Variants in CSGALNACT1 observed in about 807,000 individuals in gnomAD.
CSGALNACT1 encodes beta4GalNAcT-1.
In CSGALNACT1, 52 loss-of-function variants were observed where a neutral mutation model predicts 51.0. That is an observed-to-expected ratio of 1.02 (90% CI 0.82 to 1.29). The LOEUF (loss-of-function observed/expected upper bound fraction) is 1.29. CSGALNACT1 is among the 50% of genes most tolerant of loss of function. The probability of loss-of-function intolerance (pLI) is 0.00; values close to 1 mark genes in which losing one functional copy is unlikely to be tolerated. For missense variants in CSGALNACT1, 935 were observed against 679.2 expected (o/e 1.38, Z -4.19); for synonymous variants, 341 against 254.4 (o/e 1.34, Z -3.24).
At position 19,495,935 on chromosome 8, in the gene CSGALNACT1, C is replaced by T. The variant is rs377495410; in HGVS notation, c.634+9266G>A. 5.3e-5 allele frequency among the ~76,000 whole-genome samples: 8 copies of T among 152,278 alleles called. No individual in the cohort carries two copies. The South Asian group carries it at 1.7e-3, about 32-fold the overall frequency. On this transcript the variant is annotated intron_variant, in intron 4 of 9. Transcript: ENST00000454498. ...AACCAATACCCATTTTAACTCCCTT[C>T]CTCCAGCTAACATAGGACTTGTGTC...
At chr8:19,747,026 G>A (rs2064714893) in intron 1 of CSGALNACT1, among the ~76,000 whole-genome samples, 1 of 152,164 alleles carries the variant, frequency 6.6e-6, no homozygotes, top group African/African-American at 2.4e-5. Flanking sequence ...AGCTCCACAA[G>A]CCAAAGAAGC....
At chr8:19,468,027 T>C (rs2067122997) in intron 4 of CSGALNACT1, among the ~76,000 whole-genome samples, 2 of 152,188 alleles carry the variant, frequency 1.3e-5, no homozygotes, top group Non-Finnish European at 2.9e-5. Flanking sequence ...AAAATCACTG[T>C]GCTTTCAGGA....
chr8:19,741,218 T>C (rs2064292691), intron 1 of CSGALNACT1, among the ~76,000 whole-genome samples: 1 of 152,190 alleles, frequency 6.6e-6, no homozygotes. Context: ...AGTTGGTCAC[T>C]GGTACTCCAG....
At chr8:19,688,283 T>C (rs2061090287) in intron 1 of CSGALNACT1, among the ~76,000 whole-genome samples, 1 of 152,136 alleles carries the variant, frequency 6.6e-6, no homozygotes, top group Non-Finnish European at 1.5e-5. Context: ...AGGAGAACAA[T>C]TCATACCTAT....
At chr8:19,406,350 G>T (rs2054173664) in intron 9 of CSGALNACT1, among the ~76,000 whole-genome samples, 1 of 151,742 alleles carries the variant, frequency 6.6e-6, no homozygotes, top group African/African-American at 2.4e-5. Flanking sequence ...CAATGCTAAT[G>T]AACAGCCCCA....
chr8:19,503,051 C>T (rs2076682891), intron 4 of CSGALNACT1, among the ~76,000 whole-genome samples: 1 of 152,218 alleles, frequency 6.6e-6, no homozygotes, highest in Non-Finnish European at 1.5e-5. Context: ...AGAATCTTTC[C>T]TAAGGCTCTG....
chr8:19,602,686 C>G (rs1445843067), upstream of CSGALNACT1: 1 of 152,224 alleles, frequency 6.6e-6, no homozygotes, highest in African/African-American at 2.4e-5. Flanking sequence ...GGAGTGACAA[C>G]GGGCCCCAGC....
At chr8:19,552,782 A>C (rs2088520634) in intron 3 of CSGALNACT1, among the ~76,000 whole-genome samples, 1 of 152,216 alleles carries the variant, frequency 6.6e-6, no homozygotes, top group Non-Finnish European at 1.5e-5. Context: ...AGAAAGTCTA[A>C]CTGTAGCTAA....
chr8:19,406,400 C>A (rs368355214), intron 9 of CSGALNACT1, among the ~76,000 whole-genome samples: 1 of 151,310 alleles, frequency 6.6e-6, no homozygotes, highest in Non-Finnish European at 1.5e-5. Context: ...ATCTAGTATT[C>A]GGTAGCATTA....
chr8:19,593,417 G>T lies in CSGALNACT1; in HGVS notation c.-415-2139C>A, dbSNP rs186664654. Among the ~76,000 whole-genome samples, 369 of 152,334 alleles carry T rather than the reference G, an allele frequency of 2.4e-3. 2 individuals carry two copies. Among genetic ancestry groups the T allele is most frequent in the Admixed American group, 3.5e-3 (54 of 15,302 alleles). On this transcript the variant is annotated intron_variant, in intron 2 of 9. Coordinates refer to ENST00000454498, the Ensembl canonical transcript of CSGALNACT1. ...GTGGTCCTCCTGGGGCACCACAACA[G>T]CTAGGCTCCTCAAATGATTCTGCTC...
At chr8:19,542,912 A>G (rs1324869080) in intron 3 of CSGALNACT1, among the ~76,000 whole-genome samples, 2 of 152,156 alleles carry the variant, frequency 1.3e-5, no homozygotes, top group Non-Finnish European at 2.9e-5. Flanking sequence ...TGATAAATTC[A>G]TTTGGGTTTT....
intron 3 of CSGALNACT1, among the ~76,000 whole-genome samples, chr8:19,540,431 C>T (rs1232443998): frequency 1.3e-5 from 2 of 152,132 alleles, no homozygotes; most frequent in Non-Finnish European, 2.9e-5. Flanking sequence ...TGTGTGGATA[C>T]AAAAGTGACT....
chr8:19,624,781 C>A (rs1437779661), intron 1 of CSGALNACT1, among the ~76,000 whole-genome samples: 2 of 151,962 alleles, frequency 1.3e-5, no homozygotes, highest in African/African-American at 4.8e-5. Context: ...CGGGTTCAAG[C>A]GATTCTCCTG....
chr8:19,513,705 G>A (rs2078940132), intron 3 of CSGALNACT1, among the ~76,000 whole-genome samples: 1 of 151,898 alleles, frequency 6.6e-6, no homozygotes, highest in Admixed American at 6.6e-5. Flanking sequence ...CCGCACACCT[G>A]GGCCATATGG....
intron 4 of CSGALNACT1, among the ~76,000 whole-genome samples, chr8:19,488,213 G>A (rs1297854590): frequency 6.6e-6 from 1 of 151,752 alleles, no homozygotes; most frequent in East Asian, 1.9e-4. Context: ...AGGCAGGTGT[G>A]GTGGTGTGCA....
At chr8:19,605,375 G>A (rs936409141), upstream of CSGALNACT1, among the ~76,000 whole-genome samples, 2 of 152,184 alleles carry the variant, frequency 1.3e-5, no homozygotes, top group African/African-American at 2.4e-5. Context: ...GGTGGAGGTC[G>A]CAGTGAGCTG....
intron 1 of CSGALNACT1, among the ~76,000 whole-genome samples, chr8:19,755,480 A>AAAAAAAAAAAAAAAAC (rs2065308904): frequency 6.9e-6 from 1 of 143,888 alleles, no homozygotes; most frequent in South Asian, 2.2e-4. Context: ...AAAAAAAAAA[A>AAAAAAAAAAAAAAAAC]AGACAACATT....
At chr8:19,417,150 C>T (rs894336222) in intron 8 of CSGALNACT1, among the ~76,000 whole-genome samples, 3 of 152,166 alleles carry the variant, frequency 2.0e-5, no homozygotes, top group Non-Finnish European at 4.4e-5. Flanking sequence ...CCACCAAACC[C>T]AGCTGAAAAC....
At chr8:19,447,113 G>C (rs2153787563) in intron 5 of CSGALNACT1, among the ~76,000 whole-genome samples, 1 of 152,318 alleles carries the variant, frequency 6.6e-6, no homozygotes, top group African/African-American at 2.4e-5. Flanking sequence ...CGTAGCCTTA[G>C]CATACAGGTG....
Sources: allele counts gnomAD v4.1 joint callset (sites outside exome capture counted in the v4.1 genomes callset), GRCh38; gene constraint gnomAD v4.1.1; transcripts MANE v1.5; gene names NCBI Gene and HGNC (gene_info 2026-07-23, HGNC 2026-07-21).